MORN5: variants seen among roughly 807,000 people sequenced by gnomAD.
The protein encoded by MORN5 is MORN repeat-containing protein 5.
MORN5 carries 21 observed loss-of-function variants against 22.1 expected under a neutral mutation model. The observed-to-expected ratio is 0.95, with a 90% CI of 0.67 to 1.37. The LOEUF is 1.37. MORN5 is among the 40% of genes most tolerant of loss of function. The probability of loss-of-function intolerance (pLI) is 0.00; values close to 1 mark genes in which losing one functional copy is unlikely to be tolerated. For synonymous variants in MORN5, 73 were observed against 74.0 expected, an observed-to-expected ratio of 0.99 and a Z score of 0.07; for missense variants, 211 against 215.1, an observed-to-expected ratio of 0.98 and a Z score of 0.12.
chr9:122,189,230 A>G (rs1017459360), intron 4 of MORN5, among the ~76,000 whole-genome samples: 1 of 151,998 alleles, frequency 6.6e-6, no homozygotes, highest in South Asian at 2.1e-4. Flanking sequence ...TGTTTTGATC[A>G]GTGTCACCCA....
intron 3 of MORN5, among the ~76,000 whole-genome samples, chr9:122,171,927 A>G (rs1007399233): frequency 4.4e-4 from 61 of 138,382 alleles, no homozygotes; most frequent in African/African-American, 1.6e-3. Flanking sequence ...GTCATTCTCC[A>G]TTCTGCAGTC....
intron 4 of MORN5, among the ~76,000 whole-genome samples, chr9:122,181,995 T>C (rs1829543612): frequency 6.6e-6 from 1 of 152,170 alleles, no homozygotes; most frequent in South Asian, 2.1e-4. Flanking sequence ...GAGAGGAGTC[T>C]CTAGGGAGAC....
Position 122,174,480 on chromosome 9 carries a change from A to G in MORN5, c.308-16A>G, listed in dbSNP as rs111315593. The G allele has an allele frequency of 3.3e-5, 54 of 1,613,142 alleles. No individual in the cohort carries two copies. The highest frequency in any genetic ancestry group is 2.4e-4 in the African/African-American group (18 of 74,942). On this transcript the variant is annotated splice_polypyrimidine_tract_variant and intron_variant, in intron 3 of 4. Transcript: ENST00000373764. Reference sequence around the variant, plus strand: ...GGCCTTCATGGTGAACTAATTGCCCATTATGTTCTTTCAAGGTATGGCTCA... The same window carrying G: ...GGCCTTCATGGTGAACTAATTGCCCGTTATGTTCTTTCAAGGTATGGCTCA...
intron 4 of MORN5, among the ~76,000 whole-genome samples, chr9:122,177,303 C>T (rs566460117): frequency 3.9e-5 from 6 of 152,328 alleles, no homozygotes; most frequent in East Asian, 3.9e-4. Flanking sequence ...CAGAAAGGGG[C>T]GTATCTTTGT....
intron 4 of MORN5, among the ~76,000 whole-genome samples, chr9:122,176,324 G>C (rs1174755090): frequency 6.6e-6 from 1 of 152,002 alleles, no homozygotes; most frequent in African/African-American, 2.4e-5. Flanking sequence ...AACTCTGCTG[G>C]GTGCTAATAG....
intron 4 of MORN5, among the ~76,000 whole-genome samples, chr9:122,186,176 G>A (rs190736214): frequency 6.6e-5 from 10 of 152,304 alleles, no homozygotes; most frequent in Admixed American, 4.6e-4. Context: ...AGTATTGAAC[G>A]CCTCCATGGT....
At chr9:122,179,790 C>G (rs1455339927) in intron 4 of MORN5, among the ~76,000 whole-genome samples, 1 of 152,216 alleles carries the variant, frequency 6.6e-6, no homozygotes, top group Non-Finnish European at 1.5e-5. Flanking sequence ...GGGACTGATT[C>G]AGGCTTCTGT....
At chr9:122,189,808 A>T (rs1463806654) in intron 4 of MORN5, among the ~76,000 whole-genome samples, 2 of 152,036 alleles carry the variant, frequency 1.3e-5, no homozygotes, top group East Asian at 3.9e-4. Flanking sequence ...GGGTTTCACC[A>T]TGTTAGACAG....
chr9:122,194,497 A>G (rs1181445931), intron 4 of MORN5, among the ~76,000 whole-genome samples: 1 of 152,198 alleles, frequency 6.6e-6, no homozygotes, highest in Non-Finnish European at 1.5e-5. Flanking sequence ...GATTAGGGTC[A>G]TTGAGAAGGT....
chr9:122,193,570 C>T (rs546571864), intron 4 of MORN5, among the ~76,000 whole-genome samples: 4 of 152,216 alleles, frequency 2.6e-5, no homozygotes, highest in South Asian at 2.1e-4. Context: ...GGCGACAGAG[C>T]GAGACTCCGT....
intron 1 of MORN5, among the ~76,000 whole-genome samples, chr9:122,161,567 C>A (rs1485416127): frequency 1.3e-5 from 2 of 152,138 alleles, no homozygotes; most frequent in East Asian, 3.8e-4. Context: ...TAGGAAGTAA[C>A]AGAGTCAGGA....
At chr9:122,172,751 G>A (rs1003835992) in intron 3 of MORN5, among the ~76,000 whole-genome samples, 6 of 152,202 alleles carry the variant, frequency 3.9e-5, no homozygotes, top group South Asian at 4.1e-4. Context: ...GTGGGTACTC[G>A]TTAAAGAGTT....
At chr9:122,174,004 C>T (rs1829406167) in intron 3 of MORN5, among the ~76,000 whole-genome samples, 1 of 152,214 alleles carries the variant, frequency 6.6e-6, no homozygotes, top group African/African-American at 2.4e-5. Flanking sequence ...TTCTCCACCA[C>T]CTGCCCCTTG....
chr9:122,193,366 C>T (rs1464343754), intron 4 of MORN5, among the ~76,000 whole-genome samples: 1 of 152,210 alleles, frequency 6.6e-6, no homozygotes, highest in African/African-American at 2.4e-5. Context: ...GCGGGTGGAT[C>T]GTGAGGTCAA....
At chr9:122,166,125 T>G (rs1389520974) in intron 1 of MORN5, among the ~76,000 whole-genome samples, 1 of 152,060 alleles carries the variant, frequency 6.6e-6, no homozygotes, top group Non-Finnish European at 1.5e-5. Flanking sequence ...CTCATGAGAC[T>G]TATTCACTAT....
At chr9:122,176,504 A>G (rs1829453149) in intron 4 of MORN5, among the ~76,000 whole-genome samples, 1 of 152,160 alleles carries the variant, frequency 6.6e-6, no homozygotes, top group Admixed American at 6.5e-5. Flanking sequence ...TATTTGCTTA[A>G]TATCTGTCTC....
chr9:122,193,886 AGGGAAGCAGGCCT>A (rs1244554967), intron 4 of MORN5, among the ~76,000 whole-genome samples: 2 of 152,162 alleles, frequency 1.3e-5, no homozygotes, highest in Non-Finnish European at 2.9e-5. Context: ...GGAAGCGGGG[AGGGAAGCAGGCCT>A]GGGAAGCAGG....
intron 2 of MORN5, among the ~76,000 whole-genome samples, chr9:122,167,663 G>T (rs923710900): frequency 2.6e-5 from 4 of 152,202 alleles, no homozygotes; most frequent in African/African-American, 9.7e-5. Context: ...CTCCCTGAGA[G>T]TTCTTCACCT....
At chr9:122,196,608 G>A (rs1264088205) in intron 4 of MORN5, among the ~76,000 whole-genome samples, 3 of 152,164 alleles carry the variant, frequency 2.0e-5, no homozygotes, top group African/African-American at 7.2e-5. Flanking sequence ...TGGGATTACA[G>A]GCGTAAGCCA....
Sources: allele counts gnomAD v4.1 joint callset (sites outside exome capture counted in the v4.1 genomes callset), GRCh38; gene constraint gnomAD v4.1.1; transcripts MANE v1.5; gene names NCBI Gene and HGNC (gene_info 2026-07-23, HGNC 2026-07-21).